Variants in IFT80 observed in about 807,000 individuals in gnomAD.
IFT80 encodes the protein intraflagellar transport protein 80 homolog.
In IFT80, 79 loss-of-function variants were observed where a neutral mutation model predicts 107.9. That is an observed-to-expected ratio of 0.73 (90% confidence interval 0.61 to 0.88). IFT80 has a LOEUF of 0.88. IFT80 is among the 40% of genes least tolerant of loss of function. The pLI, the probability that IFT80 is intolerant of heterozygous loss-of-function variation, is 0.00. For synonymous variants in IFT80, 299 were observed against 300.9 expected (o/e 0.99, Z 0.07); for missense variants, 797 against 914.2 (o/e 0.87, Z 1.65).
chr3:160,359,142 C>T (rs1721311411), intron 6 of IFT80, among the ~76,000 whole-genome samples: 1 of 152,142 alleles, frequency 6.6e-6, no homozygotes. Context: ...CTGCTTTAGT[C>T]TCCCAAAAGG....
intron 12 of IFT80, among the ~76,000 whole-genome samples, chr3:160,295,174 A>T (rs192262940): frequency 6.6e-6 from 1 of 152,330 alleles, no homozygotes; most frequent in Non-Finnish European, 1.5e-5. Flanking sequence ...ATGAGATACC[A>T]CCTCAAACCT....
chr3:160,342,465 G>T (rs1719982347), intron 8 of IFT80, among the ~76,000 whole-genome samples: 3 of 152,090 alleles, frequency 2.0e-5, no homozygotes, highest in Non-Finnish European at 2.9e-5. Flanking sequence ...AGGCATGCAG[G>T]TTATTTCCCA....
At chr3:160,307,543 T>C (rs1716915363) in intron 10 of IFT80, 120 bp downstream of exon 10, 1 of 747,436 alleles carries the variant, frequency 1.3e-6, no homozygotes, top group African/African-American at 1.7e-5. Context: ...TAGTTCAGGA[T>C]AGCTGAGGTT....
At chr3:160,319,726 A>C in intron 9 of IFT80, 34 bp downstream of exon 9, 1 of 1,522,192 alleles carries the variant, frequency 6.6e-7, no homozygotes, top group African/African-American at 1.4e-5. Context: ...TATGAAAAGA[A>C]GCAGGTTTAA....
Position 160,279,197 on chromosome 3 carries a change from A to T in IFT80, c.1832T>A (p.Val611Asp). Residue 611 changes from valine (V) to aspartate (D), a missense_variant, in exon 16 of 20, where the codon GTT becomes GAT. Physicochemically the swap from Val to Asp is radical, Grantham distance 152. Coordinates refer to ENST00000326448, the MANE Select transcript of IFT80 (RefSeq NM_020800.3). Reference sequence around the variant, plus strand: ...TGAATCTAAAATGTAAATTACCTTAACAAAGCGACAAAGTCTCACAGCATC... The same window carrying T: ...TGAATCTAAAATGTAAATTACCTTATCAAAGCGACAAAGTCTCACAGCATC... Reference protein sequence around the residue: ...WEDAVRLCRFVKEQTMWACLA... With the variant: ...WEDAVRLCRFDKEQTMWACLA... The T allele has an allele frequency of 6.2e-7, 1 of 1,612,798 alleles. No homozygotes were observed. The highest frequency in any genetic ancestry group is 8.5e-7 in the Non-Finnish European group (1 of 1,178,882).
intron 13 of IFT80, among the ~76,000 whole-genome samples, chr3:160,285,593 T>G (rs1301489369): frequency 6.6e-6 from 1 of 152,232 alleles, no homozygotes; most frequent in Non-Finnish European, 1.5e-5. Flanking sequence ...TTTTTTCAAC[T>G]AATTTGCATG....
intron 9 of IFT80, among the ~76,000 whole-genome samples, chr3:160,315,640 G>A (rs1717762704): frequency 6.6e-6 from 1 of 152,152 alleles, no homozygotes; most frequent in Admixed American, 6.5e-5. Context: ...GGTAATCACT[G>A]TGTGTTGTTT....
intron 1 of IFT80, among the ~76,000 whole-genome samples, chr3:160,394,685 G>A (rs1421382349): frequency 6.6e-6 from 1 of 152,050 alleles, no homozygotes; most frequent in East Asian, 1.9e-4. Flanking sequence ...AGGAGGTGGA[G>A]GTTGCAGTGA....
intron 8 of IFT80, among the ~76,000 whole-genome samples, chr3:160,346,504 G>C (rs1469489961): frequency 3.3e-5 from 5 of 152,124 alleles, no homozygotes; most frequent in Admixed American, 3.3e-4. Flanking sequence ...GTAATTTCCT[G>C]TTTCTCATAT....
At chr3:160,397,477 T>G (rs1025369779) in intron 1 of IFT80, among the ~76,000 whole-genome samples, 1 of 152,186 alleles carries the variant, frequency 6.6e-6, no homozygotes, top group East Asian at 1.9e-4. Context: ...TTCAATGTCA[T>G]AAACACAGCA....
intron 13 of IFT80, among the ~76,000 whole-genome samples, chr3:160,283,045 T>G (rs375783634): frequency 4.6e-5 from 7 of 152,282 alleles, no homozygotes; most frequent in African/African-American, 1.7e-4. Flanking sequence ...ACATCATGTG[T>G]CCAGGGCCTT....
chr3:160,320,138 G>A, intron 8 of IFT80, 199 bp from the exon 9 acceptor site: 1 of 543,590 alleles, frequency 1.8e-6, no homozygotes, highest in Non-Finnish European at 3.2e-6. Flanking sequence ...AGAACATCAT[G>A]CTAAAACAGT....
At chr3:160,361,855 T>A (rs1459936261) in intron 6 of IFT80, among the ~76,000 whole-genome samples, 1 of 152,150 alleles carries the variant, frequency 6.6e-6, no homozygotes, top group East Asian at 1.9e-4. Flanking sequence ...TGTACCAGAA[T>A]CTTTGGGACA....
intron 8 of IFT80, among the ~76,000 whole-genome samples, chr3:160,323,909 A>G (rs1718473457): frequency 6.6e-6 from 1 of 152,154 alleles, no homozygotes; most frequent in South Asian, 2.1e-4. Flanking sequence ...AAAAGAGAGA[A>G]GAATCAAATA....
chr3:160,379,318 T>C (rs116502679), intron 3 of IFT80, among the ~76,000 whole-genome samples: 2,454 of 152,252 alleles, frequency 0.016, 38 homozygotes, highest in Middle Eastern at 0.041. Flanking sequence ...ACAAAAACAA[T>C]ATGTTATCCT....
At chr3:160,343,761 A>G in intron 8 of IFT80, 1 of 355,742 alleles carries the variant, frequency 2.8e-6, no homozygotes, top group Non-Finnish European at 5.5e-6. Context: ...ACTCATTACC[A>G]TTTAAAATAT....
chr3:160,320,997 C>T (rs1002795743), intron 8 of IFT80, among the ~76,000 whole-genome samples: 1 of 151,844 alleles, frequency 6.6e-6, no homozygotes, highest in African/African-American at 2.4e-5. Context: ...CAACTCTCCC[C>T]ACCCTCCAAC....
rs932766983 is a variant in IFT80, at chr3:160,372,185, A to C, written c.439+3627T>G. 2.6e-5 allele frequency among the ~76,000 whole-genome samples: 4 copies of C among 152,328 alleles called. No individual in the cohort carries two copies. In the South Asian group the frequency reaches 8.3e-4, roughly 32 times the overall value. ...TAAGTATAATGAACACACATAGACA[A>C]AGTCACATGGATGCTTCCAACACTT... On this transcript the variant is annotated intron_variant, in intron 5 of 19. Coordinates refer to ENST00000326448, the MANE Select transcript of IFT80 (RefSeq NM_020800.3).
chr3:160,269,623 G>A (rs1713645367), intron 18 of IFT80, among the ~76,000 whole-genome samples: 1 of 152,126 alleles, frequency 6.6e-6, no homozygotes, highest in Non-Finnish European at 1.5e-5. Flanking sequence ...TAATTTGTAG[G>A]AGAATAAAAA....
Sources: gnomAD v4.1 joint callset for allele counts (sites outside exome capture counted in the v4.1 genomes callset) on GRCh38, gnomAD v4.1.1 for gene constraint, MANE v1.5 for transcripts, NCBI Gene and HGNC (gene_info 2026-07-23, HGNC 2026-07-21) for gene names.